Variants in FRMD4B observed in about 807,000 individuals in gnomAD.
FRMD4B encodes FERM domain containing 4B, also known as FERM domain-containing protein 4B.
FRMD4B carries 74 observed loss-of-function variants against 141.5 expected under a neutral mutation model. That is an observed-to-expected ratio of 0.52 (90% confidence interval 0.43 to 0.63). The LOEUF (loss-of-function observed/expected upper bound fraction) is 0.63. Ranked by LOEUF, FRMD4B falls within the 30% of genes least tolerant of loss-of-function variation. FRMD4B has a pLI of 0.00. For missense variants in FRMD4B, 1,366 were observed against 1,253.4 expected (o/e 1.09, Z -1.36); for synonymous variants, 506 against 467.9 (o/e 1.08, Z -1.05).
At chr3:69,211,080 T>C (rs2093074661) in intron 11 of FRMD4B, among the ~76,000 whole-genome samples, 1 of 149,878 alleles carries the variant, frequency 6.7e-6, no homozygotes, top group African/African-American at 2.5e-5. Context: ...ACACTAAAGC[T>C]GTGGGCTTGT....
Position 69,193,851 on chromosome 3 carries a change from T to C in FRMD4B, c.1511A>G (p.Glu504Gly), listed in dbSNP as rs757676024. 3.1e-6 allele frequency: 5 copies of C among 1,611,092 alleles called. No individual in the cohort carries two copies. The South Asian group carries it at 4.4e-5, about 14-fold the overall frequency. ...CTTTTGTTGTATTAGAAAATTACTC[T>C]CCAGTTCTTGCAAAGCAGGATCCTG... ...SEEDPALQEL[E>G]SNFLIQQKLV... Residue 504 changes from glutamate to glycine, a missense_variant, in exon 17 of 23, where the codon GAG (glutamate) becomes GGG (glycine). Coordinates refer to ENST00000398540, the MANE Select transcript of FRMD4B (RefSeq NM_015123.3).
intron 11 of FRMD4B, among the ~76,000 whole-genome samples, chr3:69,213,663 T>C (rs1475408036): frequency 6.4e-4 from 10 of 15,568 alleles, no homozygotes; most frequent in Non-Finnish European, 3.1e-3. Flanking sequence ...TTTCATTGAT[T>C]TTTTTTTTTT....
At chr3:69,345,204 C>T (rs149166694) in intron 1 of FRMD4B, among the ~76,000 whole-genome samples, 11 of 152,346 alleles carry the variant, frequency 7.2e-5, no homozygotes, top group South Asian at 2.1e-4. Context: ...GCACCTGACT[C>T]GGAGGGTCCC....
intron 1 of FRMD4B, among the ~76,000 whole-genome samples, chr3:69,517,873 A>T (rs1288901112): frequency 2.6e-5 from 4 of 152,104 alleles, no homozygotes; most frequent in Admixed American, 6.5e-5. Flanking sequence ...TCGTTTTCAT[A>T]CTTAAGTGTC....
chr3:69,528,328 GCTCT>G (rs963141192), intron 1 of FRMD4B, among the ~76,000 whole-genome samples: 35 of 128,848 alleles, frequency 2.7e-4, no homozygotes, highest in Admixed American at 4.7e-4. Context: ...TTTCTTTCTC[GCTCT>G]CTCTCTTTTT....
At chr3:69,342,267 T>C (rs777325840) in intron 1 of FRMD4B, among the ~76,000 whole-genome samples, 1 of 152,204 alleles carries the variant, frequency 6.6e-6, no homozygotes, top group African/African-American at 2.4e-5. Flanking sequence ...GCAATGGACA[T>C]ACTGTGATTA....
intron 7 of FRMD4B, among the ~76,000 whole-genome samples, chr3:69,247,007 C>G (rs11706488): frequency 2.0e-5 from 3 of 152,282 alleles, no homozygotes; most frequent in Admixed American, 6.5e-5. Flanking sequence ...CCACCTCCCC[C>G]ATAACTATAG....
In FRMD4B at chr3:69,195,234, C is replaced by G. The variant is rs2092888994; in HGVS notation, c.1365G>C (p.Glu455Asp). 6.2e-7 allele frequency: 1 copy of G among 1,612,078 alleles called. No homozygotes were observed. The highest frequency in any genetic ancestry group is 8.5e-7 in the Non-Finnish European group (1 of 1,179,440). Residue 455 changes from glutamate to aspartate, a missense_variant, in exon 15 of 23, where the codon GAG (glutamate) becomes GAC (aspartate). By Grantham distance (45) the Glu-to-Asp change is conservative. Coordinates refer to ENST00000398540, the MANE Select transcript of FRMD4B (RefSeq NM_015123.3). Reference sequence around the variant, plus strand: ...GAGCCCCAAAAAGCAGACTCACAGCCTCCCGCAGACAGATCTTCTTAAGCT... The same window carrying G: ...GAGCCCCAAAAAGCAGACTCACAGCGTCCCGCAGACAGATCTTCTTAAGCT... ...VEELKKICLREAELTGKMPKE... is the reference protein window; with the variant it reads ...VEELKKICLRDAELTGKMPKE...
At chr3:69,318,118 C>T (rs1701866508) in intron 1 of FRMD4B, among the ~76,000 whole-genome samples, 1 of 152,052 alleles carries the variant, frequency 6.6e-6, no homozygotes, top group Non-Finnish European at 1.5e-5. Flanking sequence ...ACTATGGGTA[C>T]ATGCCATCAT....
At chr3:69,256,937 C>T (rs2093496872) in intron 5 of FRMD4B, among the ~76,000 whole-genome samples, 1 of 152,134 alleles carries the variant, frequency 6.6e-6, no homozygotes, top group South Asian at 2.1e-4. Context: ...GGTTTTATAA[C>T]CTCAGCACAA....
chr3:69,218,626 C>A (rs1559727024), intron 9 of FRMD4B, among the ~76,000 whole-genome samples: 2 of 152,114 alleles, frequency 1.3e-5, no homozygotes. Context: ...TCCACACATT[C>A]AAATGTTTAT....
At chr3:69,366,575 T>G (rs1575768195) in intron 1 of FRMD4B, among the ~76,000 whole-genome samples, 3 of 151,420 alleles carry the variant, frequency 2.0e-5, no homozygotes, top group Admixed American at 2.0e-4. Flanking sequence ...AGAAAATATC[T>G]GGCAAATATA....
chr3:69,410,261 G>T (rs979350742), intron 2 of FRMD4B, among the ~76,000 whole-genome samples: 1 of 152,140 alleles, frequency 6.6e-6, no homozygotes, highest in Non-Finnish European at 1.5e-5. Context: ...AAGCAGGTCC[G>T]ATATCAGCTC....
chr3:69,304,652 G>A (rs1169523463), intron 3 of FRMD4B, among the ~76,000 whole-genome samples: 1 of 152,076 alleles, frequency 6.6e-6, no homozygotes, highest in Admixed American at 6.6e-5. Flanking sequence ...ACCACTGAGG[G>A]ATCAAAAGGA....
chr3:69,398,337 G>A (rs1488649909), intron 2 of FRMD4B, among the ~76,000 whole-genome samples: 1 of 152,136 alleles, frequency 6.6e-6, no homozygotes, highest in Non-Finnish European at 1.5e-5. Context: ...CTTACAATGT[G>A]TAGTGATCAG....
intron 5 of FRMD4B, among the ~76,000 whole-genome samples, chr3:69,253,807 G>T (rs1011668813): frequency 1.3e-5 from 2 of 152,226 alleles, no homozygotes; most frequent in African/African-American, 4.8e-5. Flanking sequence ...GTTTATTGAA[G>T]TCTGGCTCAG....
intron 7 of FRMD4B, among the ~76,000 whole-genome samples, chr3:69,231,004 C>T (rs143637833): frequency 1.3e-5 from 2 of 152,326 alleles, no homozygotes; most frequent in East Asian, 1.9e-4. Flanking sequence ...AACAATCACA[C>T]ATAGGTGATA....
chr3:69,287,114 T>C (rs1456507349), intron 5 of FRMD4B, among the ~76,000 whole-genome samples: 1 of 152,248 alleles, frequency 6.6e-6, no homozygotes, highest in African/African-American at 2.4e-5. Context: ...TAAAAACGTT[T>C]ATAGCAATTT....
intron 1 of FRMD4B, among the ~76,000 whole-genome samples, chr3:69,340,269 T>TAAGC (rs1200580532): frequency 6.6e-6 from 1 of 152,182 alleles, no homozygotes; most frequent in Non-Finnish European, 1.5e-5. Flanking sequence ...ACACAGGTGC[T>TAAGC]AAGCATAGTA....
Sources: allele counts gnomAD v4.1 joint callset (sites outside exome capture counted in the v4.1 genomes callset), GRCh38; gene constraint gnomAD v4.1.1; transcripts MANE v1.5; gene names NCBI Gene and HGNC (gene_info 2026-07-23, HGNC 2026-07-21).